Variants in PSMG2 observed in about 807,000 individuals in gnomAD.
PSMG2 encodes the protein CD40 ligand-activated specific transcript 3.
A neutral mutation model predicts 31.5 loss-of-function variants in PSMG2; 21 were observed. The ratio of observed to expected loss-of-function variants is 0.67; its 90% CI spans 0.47 to 0.96. The LOEUF (loss-of-function observed/expected upper bound fraction) is 0.96, where lower values mean the gene tolerates loss of function less well. Among genes scored for constraint, PSMG2 ranks in the 40% least tolerant of loss-of-function variants. The probability of loss-of-function intolerance (pLI) is 0.00; values close to 1 mark genes in which losing one functional copy is unlikely to be tolerated. For synonymous variants in PSMG2, 120 were observed against 110.4 expected, an observed-to-expected ratio of 1.09 and a Z score of -0.54; for missense variants, 318 against 321.2, an observed-to-expected ratio of 0.99 and a Z score of 0.08.
chr18:12,681,256 A>ATT (rs34816720), intron 1 of PSMG2, among the ~76,000 whole-genome samples: 15,101 of 115,226 alleles, frequency 0.13, 1,275 homozygotes, highest in African/African-American at 0.2. Flanking sequence ...AAAGTAGAAC[A>ATT]TTTTTTTTTT....
At chr18:12,672,464 G>A (rs2038972965) in intron 1 of PSMG2, among the ~76,000 whole-genome samples, 1 of 152,088 alleles carries the variant, frequency 6.6e-6, no homozygotes, top group South Asian at 2.1e-4. Flanking sequence ...AATCAGTATG[G>A]AATCACTCAC....
intron 6 of PSMG2, among the ~76,000 whole-genome samples, chr18:12,725,091 T>C (rs1270429030): frequency 6.6e-6 from 1 of 152,226 alleles, no homozygotes; most frequent in Admixed American, 6.5e-5. Flanking sequence ...AGCATAAGGC[T>C]GCTTTCTAAG....
intron 5 of PSMG2, among the ~76,000 whole-genome samples, chr18:12,722,889 C>CGGAGCCAGCCT (rs1753477035): frequency 6.6e-6 from 1 of 152,118 alleles, no homozygotes; most frequent in South Asian, 2.1e-4. Context: ...AGCACAGCCT[C>CGGAGCCAGCCT]GGAGCCAGCC....
At chr18:12,714,668 A>G (rs1475131453) in intron 3 of PSMG2, among the ~76,000 whole-genome samples, 1 of 148,952 alleles carries the variant, frequency 6.7e-6, no homozygotes, top group African/African-American at 2.5e-5. Flanking sequence ...TAATTTTTGT[A>G]TTTTTTTGTA....
At chr18:12,711,099 TAA>T (rs1568041831) in intron 2 of PSMG2, among the ~76,000 whole-genome samples, 1 of 151,692 alleles carries the variant, frequency 6.6e-6, no homozygotes, top group Non-Finnish European at 1.5e-5. Flanking sequence ...GACTCTGTCT[TAA>T]AAAACAAACA....
At chr18:12,699,462 G>A (rs2040076618), upstream of PSMG2, among the ~76,000 whole-genome samples, 1 of 152,144 alleles carries the variant, frequency 6.6e-6, no homozygotes, top group African/African-American at 2.4e-5. Context: ...GAGCCAATAT[G>A]TAGTATACTT....
chr18:12,703,755 G>T (rs1327985654), intron 1 of PSMG2, among the ~76,000 whole-genome samples: 1 of 152,214 alleles, frequency 6.6e-6, no homozygotes, highest in East Asian at 1.9e-4. Context: ...GAAAGGTCCT[G>T]AGATAATTGG....
At position 12,720,646 on chromosome 18, in the gene PSMG2, C is replaced by T; in HGVS notation, c.544C>T (p.Pro182Ser). The change falls in exon 5 of 7, where the codon CCG becomes TCG. Residue 182 changes from proline to serine, a missense_variant. Physicochemically the swap from Pro to Ser is moderately conservative, Grantham distance 74 (BLOSUM62 -1). Transcript: ENST00000317615. Reference sequence around the variant, plus strand: ...TGATTCCGAGTTTTGTATCCGCATTCCGGGAGGAGGTATCACAAAAACACT... The same window carrying T: ...TGATTCCGAGTTTTGTATCCGCATTTCGGGAGGAGGTATCACAAAAACACT... ...IDDSEFCIRI[P>S]GGGITKTLYD... 4 of 1,613,140 alleles carry T rather than the reference C, an allele frequency of 2.5e-6. No homozygotes were observed. Among genetic ancestry groups the T allele is most frequent in the Non-Finnish European group, 3.4e-6 (4 of 1,179,804 alleles).
chr18:12,658,743 G>A (rs1794697278), exon 1 of PSMG2: 2 of 396,886 alleles, frequency 5.0e-6, no homozygotes, highest in African/African-American at 2.1e-5. Flanking sequence ...CTTGCTGGTT[G>A]AATACCTCCC....
At chr18:12,709,804 T>A (rs1037816478) in intron 2 of PSMG2, among the ~76,000 whole-genome samples, 2 of 151,792 alleles carry the variant, frequency 1.3e-5, no homozygotes, top group African/African-American at 4.8e-5. Context: ...CTGGCCTAAT[T>A]TTTGTATTTT....
intron 3 of PSMG2, among the ~76,000 whole-genome samples, chr18:12,714,017 T>C (rs532185758): frequency 6.6e-6 from 1 of 152,318 alleles, no homozygotes; most frequent in South Asian, 2.1e-4. Flanking sequence ...TTTCAAATGC[T>C]GGGATTACAG....
chr18:12,720,888 G>A lies in PSMG2; in HGVS notation c.581+205G>A, dbSNP rs532032501. On this transcript the variant is annotated intron_variant, in intron 5 of 6. Coordinates refer to ENST00000317615, the MANE Select transcript of PSMG2 (RefSeq NM_020232.5). ...AACTTTGAGAATATATTGCTAGGCC[G>A]GGCACGGTGGCTCACACTTGTAATC... 5.9e-5 allele frequency among the ~76,000 whole-genome samples: 9 copies of A among 152,264 alleles called. No individual in the cohort carries two copies. In the South Asian group the frequency reaches 1.7e-3, roughly 28 times the overall value.
chr18:12,718,455 T>TACTATATAGAATA, intron 3 of PSMG2, 62 bp from the exon 4 acceptor site: 1 of 897,550 alleles, frequency 1.1e-6, no homozygotes, highest in Non-Finnish European at 1.7e-6. Context: ...GTATATAGAA[T>TACTATATAGAATA]GTTTGTATGC....
intron 1 of PSMG2, among the ~76,000 whole-genome samples, chr18:12,689,383 C>G (rs2039665282): frequency 6.6e-6 from 1 of 152,110 alleles, no homozygotes; most frequent in South Asian, 2.1e-4. Flanking sequence ...CCAGTTGAAA[C>G]TCCAATTTGA....
upstream of PSMG2, chr18:12,698,984 C>T (rs79615555): frequency 6.2e-3 from 9,902 of 1,602,340 alleles, 504 homozygotes; most frequent in Admixed American, 0.094. Flanking sequence ...CTTACCCAAG[C>T]TTTCTCTGTG....
chr18:12,685,898 CTGGGATACAGGCA>C (rs2039522741), intron 1 of PSMG2: 1 of 157,808 alleles, frequency 6.3e-6, no homozygotes, highest in South Asian at 1.9e-4. Flanking sequence ...TCCCAAAATG[CTGGGATACAGGCA>C]TGAGCCACTG....
At chr18:12,703,231 G>C in intron 1 of PSMG2, 67 bp downstream of exon 1, 1 of 1,508,232 alleles carries the variant, frequency 6.6e-7, no homozygotes, top group Non-Finnish European at 9.0e-7. Flanking sequence ...ACCCCGACGC[G>C]GGGTGTTTGG....
upstream of PSMG2, chr18:12,699,725 A>G: frequency 1.5e-6 from 1 of 656,606 alleles, no homozygotes; most frequent in Non-Finnish European, 2.5e-6. Flanking sequence ...TAAGTATTTT[A>G]TTTTGGGGGG....
intron 1 of PSMG2, among the ~76,000 whole-genome samples, chr18:12,666,740 C>T (rs1194062465): frequency 6.6e-6 from 1 of 150,668 alleles, no homozygotes; most frequent in African/African-American, 2.5e-5. Flanking sequence ...TCAGTCACCA[C>T]ACCCGGCCAA....
Sources: gnomAD v4.1 joint callset for allele counts (sites outside exome capture counted in the v4.1 genomes callset) on GRCh38, gnomAD v4.1.1 for gene constraint, MANE v1.5 for transcripts, NCBI Gene and HGNC (gene_info 2026-07-23, HGNC 2026-07-21) for gene names.